The following HERC1 variants were observed in gnomAD, a reference collection of about 807,000 sequenced individuals.
HERC1 encodes HECT and RLD domain containing E3 ubiquitin protein ligase family member 1.
In HERC1, 160 loss-of-function variants were observed where a neutral mutation model predicts 554.3. The ratio of observed to expected loss-of-function variants is 0.29; its 90% CI spans 0.25 to 0.33. The LOEUF (loss-of-function observed/expected upper bound fraction) is 0.33. Among genes scored for constraint, HERC1 ranks in the 10% least tolerant of loss-of-function variants. The probability of loss-of-function intolerance (pLI) is 1.00; values close to 1 mark genes in which losing one functional copy is unlikely to be tolerated. For missense variants in HERC1, 4,919 were observed against 5,918.5 expected, an observed-to-expected ratio of 0.83 and a Z score of 5.54; for synonymous variants, 2,175 against 2,131.7, an observed-to-expected ratio of 1.02 and a Z score of -0.56.
intron 2 of HERC1, 143 bp from the exon 3 acceptor site, chr15:63,764,334 G>A (rs547972192): frequency 3.3e-6 from 2 of 599,618 alleles, no homozygotes; most frequent in Admixed American, 2.8e-5. Context: ...CTAACATTAG[G>A]TCATGAAACT....
chr15:63,646,899 A>C (rs2069378961), intron 55 of HERC1, among the ~76,000 whole-genome samples: 1 of 152,170 alleles, frequency 6.6e-6, no homozygotes, highest in African/African-American at 2.4e-5. Context: ...GAATATATAC[A>C]AATAGCCAAC....
chr15:63,782,955 C>CA (rs777332140), intron 1 of HERC1, among the ~76,000 whole-genome samples: 1 of 152,280 alleles, frequency 6.6e-6, no homozygotes, highest in Middle Eastern at 3.4e-3. Flanking sequence ...CTGAATGCAG[C>CA]AATCTCATGA....
chr15:63,786,917 A>ATTTTTTTTTTTTTTTTTTTTTTTTT (rs1378851561), intron 1 of HERC1, among the ~76,000 whole-genome samples: 1 of 126,978 alleles, frequency 7.9e-6, no homozygotes, highest in African/African-American at 3.2e-5. Context: ...TCAATAAATT[A>ATTTTTTTTTTTTTTTTTTTTTTTTT]TTATTTTTTT....
intron 1 of HERC1, among the ~76,000 whole-genome samples, chr15:63,790,903 C>T (rs1486469429): frequency 6.6e-6 from 1 of 151,340 alleles, no homozygotes; most frequent in African/African-American, 2.4e-5. Flanking sequence ...AGTTATAATC[C>T]CTATCCTATT....
chr15:63,667,518 T>A (rs962452483), intron 40 of HERC1, among the ~76,000 whole-genome samples: 1 of 151,994 alleles, frequency 6.6e-6, no homozygotes, highest in East Asian at 1.9e-4. Flanking sequence ...GAAGAAAAGA[T>A]GAATGAATTA....
At chr15:63,647,900 G>A (rs2069441362) in intron 55 of HERC1, among the ~76,000 whole-genome samples, 169 bp downstream of exon 55, 1 of 152,236 alleles carries the variant, frequency 6.6e-6, no homozygotes, top group Non-Finnish European at 1.5e-5. Flanking sequence ...GACTTGGAAG[G>A]TGAGGGCTGG....
chr15:63,676,260 G>A (rs1250030208), intron 37 of HERC1, among the ~76,000 whole-genome samples: 1 of 152,156 alleles, frequency 6.6e-6, no homozygotes, highest in African/African-American at 2.4e-5. Flanking sequence ...CAAAGAATGA[G>A]AGGAAAGGTC....
Position 63,636,044 on chromosome 15 carries a change from A to G in HERC1, c.12331T>C (p.Tyr4111His). 1 of 1,613,776 alleles carries G rather than the reference A, an allele frequency of 6.2e-7. No homozygotes were observed. Among genetic ancestry groups the G allele is most frequent in the Non-Finnish European group, 8.5e-7 (1 of 1,179,860 alleles). ...CTGTTCCCATGGCCAAGTTTACCAT[A>G]GTCACCATCTCCCCAGCTAAAGACC... ...GEVFSWGDGDYGKLGHGNSDR... is the reference protein window; with the variant it reads ...GEVFSWGDGDHGKLGHGNSDR... Residue 4111 changes from tyrosine (Y) to histidine (H), a missense_variant, in exon 65 of 78, where the codon TAT becomes CAT. Transcript: ENST00000443617.
At chr15:63,635,875 T>A in intron 65 of HERC1, 86 bp downstream of exon 65, 1 of 1,320,366 alleles carries the variant, frequency 7.6e-7, no homozygotes, top group Non-Finnish European at 1.1e-6. Flanking sequence ...ATTTTTACTA[T>A]ATTTTCTGTT....
At position 63,758,990 on chromosome 15, in the gene HERC1, A is replaced by C. The variant is rs1045881634; in HGVS notation, c.1027-621T>G. Among the ~76,000 whole-genome samples the C allele has an allele frequency of 1.3e-5, 2 of 152,102 alleles. No homozygotes were observed. Among genetic ancestry groups the C allele is most frequent in the African/African-American group, 4.8e-5 (2 of 41,414 alleles). ...GCAATCCTCCCACCTCAGCCCCCCA[A>C]GTAGCTGAGATTACAGGCATGCAAG... On this transcript the variant is annotated intron_variant, in intron 3 of 77. Transcript: ENST00000443617. This position sits in a 1 kb window ranked among gnomAD's most constrained non-coding sequence, Gnocchi z 4.0.
chr15:63,681,022 T>A (rs2071448644), intron 34 of HERC1, among the ~76,000 whole-genome samples: 2 of 152,182 alleles, frequency 1.3e-5, no homozygotes, highest in Admixed American at 1.3e-4. Flanking sequence ...AAATAAGCAA[T>A]TCTAACTTAC....
In HERC1 at chr15:63,749,224, G is replaced by A; in HGVS notation, c.2219+143C>T. Reference sequence around the variant, plus strand: ...AAAAGAAATCTAATGTCATTTCTATGATAGAGAAAAAGCAATACTATATAT... The same window carrying A: ...AAAAGAAATCTAATGTCATTTCTATAATAGAGAAAAAGCAATACTATATAT... On this transcript the variant is annotated intron_variant, in intron 10 of 77. Transcript: ENST00000443617. This position sits in a 1 kb window ranked among gnomAD's most constrained non-coding sequence, Gnocchi z 4.1. The A allele has an allele frequency of 1.6e-6, 1 of 610,382 alleles. No individual in the cohort carries two copies. The highest frequency in any genetic ancestry group is 2.7e-6 in the Non-Finnish European group (1 of 371,542). 37.8% of individuals were successfully genotyped at this position (610,382 alleles called of 1,614,324 possible). A position where few individuals can be genotyped will look rare whatever the true frequency, so the allele number is the denominator to read the frequency against.
At chr15:63,826,258 G>A (rs1301764518) in intron 1 of HERC1, among the ~76,000 whole-genome samples, 1 of 151,952 alleles carries the variant, frequency 6.6e-6, no homozygotes, top group African/African-American at 2.4e-5. Flanking sequence ...TGGTTTTTTG[G>A]CACCGCTAAA....
intron 8 of HERC1, chr15:63,752,415 G>A (rs2075280877): frequency 6.6e-6 from 1 of 152,244 alleles, no homozygotes; most frequent in African/African-American, 2.4e-5. Flanking sequence ...TAGGGTAAGA[G>A]TGAAAATACG....
Position 63,716,372 on chromosome 15 carries a change from G to A in HERC1, c.4080C>T (p.Asp1360=). 6 of 1,613,604 alleles carry A rather than the reference G, an allele frequency of 3.7e-6. No homozygotes were observed. Among genetic ancestry groups the A allele is most frequent in the Non-Finnish European group, 5.1e-6 (6 of 1,179,778 alleles). Reference sequence around the variant, plus strand: ...CTGGCTCCGGATGCCCCTCTTCCCGGTCTCTCTCAGCCTGTTCTTCCATTT... The same window carrying A: ...CTGGCTCCGGATGCCCCTCTTCCCGATCTCTCTCAGCCTGTTCTTCCATTT... ...EAEMEEQAER[D]REEGHPEPED... is the part of the protein sequence containing the mutation. The change falls in exon 22 of 78, where the codon GAC becomes GAT. Residue 1360 remains aspartate (D), a synonymous_variant. Transcript: ENST00000443617.
intron 27 of HERC1, 90 bp downstream of exon 27, chr15:63,696,034 T>C: frequency 1.1e-6 from 1 of 950,946 alleles, no homozygotes. Flanking sequence ...ATTTTTAAAC[T>C]GAATCATAAA....
chr15:63,636,203 C>A (rs2152821672), intron 64 of HERC1, 61 bp from the exon 65 acceptor site: 2 of 1,443,908 alleles, frequency 1.4e-6, no homozygotes, highest in South Asian at 1.2e-5. Context: ...TCTTTACTTG[C>A]AGCTGCTACT....
chr15:63,829,771 A>G (rs1837335700), intron 1 of HERC1, among the ~76,000 whole-genome samples: 1 of 151,658 alleles, frequency 6.6e-6, no homozygotes, highest in Admixed American at 6.6e-5. Context: ...TAAGATGAGC[A>G]TGGAACAGCC....
intron 1 of HERC1, among the ~76,000 whole-genome samples, chr15:63,808,330 T>A (rs1475027498): frequency 6.6e-6 from 1 of 152,218 alleles, no homozygotes; most frequent in East Asian, 1.9e-4. Context: ...CTCTGTTGCC[T>A]AGATTAGACT....
Sources: gnomAD v4.1 joint callset for allele counts (sites outside exome capture counted in the v4.1 genomes callset) on GRCh38, gnomAD v4.1.1 for gene constraint, Gnocchi (gnomAD v3.1) non-coding constraint, MANE v1.5 for transcripts, NCBI Gene and HGNC (gene_info 2026-07-23, HGNC 2026-07-21) for gene names.